The following ANKRD55 variants were observed in gnomAD, a reference collection of about 807,000 sequenced individuals.
ANKRD55 encodes the protein ankyrin repeat domain-containing protein 55.
A neutral mutation model predicts 60.6 loss-of-function variants in ANKRD55; 41 were observed. The observed-to-expected ratio is 0.68, with a 90% CI of 0.53 to 0.88. The LOEUF (loss-of-function observed/expected upper bound fraction) is 0.88. Ranked by LOEUF, ANKRD55 falls within the 40% of genes least tolerant of loss-of-function variation. The pLI is 0.00. For missense variants in ANKRD55, 732 were observed against 767.6 expected (o/e 0.95, Z 0.55); for synonymous variants, 264 against 290.3 (o/e 0.91, Z 0.92).
chr5:56,215,233 G>A (rs1161784619), intron 2 of ANKRD55, among the ~76,000 whole-genome samples: 2 of 152,174 alleles, frequency 1.3e-5, no homozygotes, highest in African/African-American at 2.4e-5. Flanking sequence ...AAGCTTCCGT[G>A]ATAAAAGCCA....
At chr5:56,167,102 C>T (rs1327565371) in intron 5 of ANKRD55, among the ~76,000 whole-genome samples, 2 of 152,112 alleles carry the variant, frequency 1.3e-5, no homozygotes. Context: ...GACTAGTTTC[C>T]AATATTCTGT....
chr5:56,186,646 G>A (rs560557658), intron 2 of ANKRD55, among the ~76,000 whole-genome samples: 7 of 152,074 alleles, frequency 4.6e-5, no homozygotes, highest in Non-Finnish European at 7.4e-5. Context: ...TTTTTGGTGC[G>A]TTTAGAAAGC....
intron 8 of ANKRD55, among the ~76,000 whole-genome samples, chr5:56,117,657 T>A (rs1404039619): frequency 6.6e-6 from 1 of 152,280 alleles, no homozygotes; most frequent in East Asian, 1.9e-4. Context: ...TTTCACTATG[T>A]TGGCCAGGCT....
Position 56,183,909 on chromosome 5 carries a change from C to T in ANKRD55, c.59-275G>A, listed in dbSNP as rs112964014. On this transcript the variant is annotated intron_variant, in intron 2 of 11. Coordinates refer to ENST00000341048, the MANE Select transcript of ANKRD55 (RefSeq NM_024669.3). ...ATTATTTCCAGGCATTCAGGCTTCT[C>T]GAAGCCAGGGAGCCCAGAGAGGAAA... Among the ~76,000 whole-genome samples the T allele has an allele frequency of 3.2e-3, 489 of 152,296 alleles. 3 individuals carry two copies. The highest frequency in any genetic ancestry group is 0.011 in the African/African-American group (452 of 41,568).
intron 2 of ANKRD55, among the ~76,000 whole-genome samples, chr5:56,214,858 G>A (rs1357956498): frequency 6.6e-6 from 1 of 152,168 alleles, no homozygotes; most frequent in Non-Finnish European, 1.5e-5. Flanking sequence ...TGCTGGGCCG[G>A]CCCAGTTGTG....
intron 2 of ANKRD55, among the ~76,000 whole-genome samples, chr5:56,210,527 C>T (rs1335980312): frequency 2.1e-5 from 3 of 141,182 alleles, no homozygotes; most frequent in Non-Finnish European, 4.5e-5. Context: ...GCGCGACTGC[C>T]TCCAGCCTGG....
chr5:56,145,101 C>G (rs1043767833), intron 6 of ANKRD55, among the ~76,000 whole-genome samples: 2 of 152,168 alleles, frequency 1.3e-5, no homozygotes, highest in Non-Finnish European at 1.5e-5. Context: ...TTAATAATAG[C>G]GCAGAGCTAA....
At chr5:56,115,864 T>TTAA (rs1480623723) in intron 9 of ANKRD55, among the ~76,000 whole-genome samples, 1 of 151,590 alleles carries the variant, frequency 6.6e-6, no homozygotes, top group African/African-American at 2.4e-5. Context: ...AATTAATTAA[T>TTAA]TTTTTTTTGA....
intron 2 of ANKRD55, among the ~76,000 whole-genome samples, chr5:56,199,080 A>AAAAC (rs56703145): frequency 0.011 from 1,645 of 150,324 alleles, 23 homozygotes; most frequent in African/African-American, 0.032. Flanking sequence ...ACTCTGTCTC[A>AAAAC]AAACAAACAA....
chr5:56,199,051 G>A (rs148090010), intron 2 of ANKRD55, among the ~76,000 whole-genome samples: 1 of 152,012 alleles, frequency 6.6e-6, no homozygotes, highest in African/African-American at 2.4e-5. Context: ...CTGCACTCCA[G>A]CCTGGACGAC....
chr5:56,222,549 C>A (rs370087743), intron 2 of ANKRD55, among the ~76,000 whole-genome samples: 1 of 152,184 alleles, frequency 6.6e-6, no homozygotes, highest in South Asian at 2.1e-4. Context: ...TAATAACAAA[C>A]TTCTCTGAGC....
chr5:56,143,877 T>C lies in ANKRD55; in HGVS notation c.536A>G (p.Gln179Arg). The C allele has an allele frequency of 3.1e-6, 5 of 1,614,150 alleles. No homozygotes were observed. Among genetic ancestry groups the C allele is most frequent in the Non-Finnish European group, 3.4e-6 (4 of 1,180,014 alleles). ...GTCTGCCCCCTTCTTCAGCAGCATT[T>C]GTGTGTGTTGAGGCTGGTTGTGGAA... Reference protein sequence around the residue: ...AAFHNQPQHTQMLLKKGADPT... With the variant: ...AAFHNQPQHTRMLLKKGADPT... The change falls in exon 7 of 12, where the codon CAA (glutamine) becomes CGA (arginine). Residue 179 changes from glutamine to arginine, a missense_variant. Around this residue, in one of 3 missense-constraint regions of ANKRD55, gnomAD observed 597 missense variants for 607.5 expected, o/e 0.98. Transcript: ENST00000341048.
At chr5:56,131,866 T>C (rs563799256) in intron 7 of ANKRD55, among the ~76,000 whole-genome samples, 1 of 135,762 alleles carries the variant, frequency 7.4e-6, no homozygotes, top group South Asian at 2.4e-4. Flanking sequence ...GGCCAGAAAC[T>C]CTGATTTACG....
chr5:56,132,753 T>C (rs1033954337), intron 7 of ANKRD55, among the ~76,000 whole-genome samples: 2 of 152,132 alleles, frequency 1.3e-5, no homozygotes, highest in African/African-American at 4.8e-5. Context: ...AAGACCCAAC[T>C]ATATGTTGTC....
At chr5:56,216,919 GGCTATAGTAAACA>G (rs1477784059) in intron 2 of ANKRD55, among the ~76,000 whole-genome samples, 1 of 152,220 alleles carries the variant, frequency 6.6e-6, no homozygotes, top group Non-Finnish European at 1.5e-5. Context: ...TGATGAACGT[GGCTATAGTAAACA>G]ACAGATTTTC....
intron 2 of ANKRD55, chr5:56,193,459 G>A (rs1561287559): frequency 8.0e-6 from 4 of 500,910 alleles, no homozygotes; most frequent in Admixed American, 3.0e-5. Context: ...TTCCGATCTT[G>A]CAGTTTCTTT....
At chr5:56,189,177 G>A (rs1181737938) in intron 2 of ANKRD55, among the ~76,000 whole-genome samples, 1 of 152,062 alleles carries the variant, frequency 6.6e-6, no homozygotes, top group East Asian at 1.9e-4. Flanking sequence ...GATAGTTAAA[G>A]AGTTTTTTTA....
intron 10 of ANKRD55, among the ~76,000 whole-genome samples, chr5:56,106,734 A>C (rs906569792): frequency 5.9e-5 from 9 of 152,216 alleles, no homozygotes; most frequent in Non-Finnish European, 8.8e-5. Context: ...ACCCAGCCTT[A>C]GTGGCTCATA....
intron 8 of ANKRD55, among the ~76,000 whole-genome samples, chr5:56,120,918 A>AC (rs1757028968): frequency 6.6e-6 from 1 of 151,428 alleles, no homozygotes; most frequent in Non-Finnish European, 1.5e-5. Context: ...AAAAAAAAAA[A>AC]AGATGGTGTG....
Sources: allele counts gnomAD v4.1 joint callset (sites outside exome capture counted in the v4.1 genomes callset), GRCh38; gene constraint gnomAD v4.1.1; regional missense constraint gnomAD v4.1.1; transcripts MANE v1.5; gene names NCBI Gene and HGNC (gene_info 2026-07-23, HGNC 2026-07-21).